Variants in ATP6V1H observed in about 807,000 individuals in gnomAD.
The protein encoded by ATP6V1H is V-type proton ATPase subunit H.
In ATP6V1H, 39 loss-of-function variants were observed where a neutral mutation model predicts 71.7. The observed-to-expected ratio is 0.54, with a 90% CI of 0.42 to 0.71. ATP6V1H has a LOEUF of 0.71. Among genes scored for constraint, ATP6V1H ranks in the 30% least tolerant of loss-of-function variants. The probability of loss-of-function intolerance (pLI) is 0.00; values close to 1 mark genes in which losing one functional copy is unlikely to be tolerated. For missense variants in ATP6V1H, 509 were observed against 594.9 expected, an observed-to-expected ratio of 0.86 and a Z score of 1.50; for synonymous variants, 192 against 199.3, an observed-to-expected ratio of 0.96 and a Z score of 0.31.
intron 9 of ATP6V1H, among the ~76,000 whole-genome samples, chr8:53,775,364 GC>G (rs1444985599): frequency 6.6e-6 from 1 of 152,224 alleles, no homozygotes; most frequent in Non-Finnish European, 1.5e-5. Flanking sequence ...GGGGACCGGA[GC>G]GGGTTGCCAA....
rs370228751 is a variant in ATP6V1H, at chr8:53,715,968, C to T, written c.1448G>A (p.Ser483Asn). 1.3e-5 allele frequency: 21 copies of T among 1,607,962 alleles called. No individual in the cohort carries two copies. In the African/African-American group the frequency reaches 2.7e-4, roughly 20 times the overall value. ...SEQPQTAAARS is the reference protein window; with the variant it reads ...SEQPQTAAARN ...AGGGGAAGGCCAGAGGCAGGCTTAG[C>T]TTCGGGCGGCAGCGGTCTGGGGCTG... Residue 483 changes from serine (S) to asparagine (N), a missense_variant, in exon 14 of 14, where the codon AGC (serine) becomes AAC (asparagine). Physicochemically the swap from Ser to Asn is conservative, Grantham distance 46. Transcript: ENST00000359530.
chr8:53,771,422 G>A (rs1324834971), intron 10 of ATP6V1H, among the ~76,000 whole-genome samples: 1 of 152,168 alleles, frequency 6.6e-6, no homozygotes, highest in Non-Finnish European at 1.5e-5. Context: ...CAATTTGTGG[G>A]TTGTAGGGGG....
At chr8:53,819,752 T>C (rs1585824354) in intron 4 of ATP6V1H, among the ~76,000 whole-genome samples, 2 of 144,386 alleles carry the variant, frequency 1.4e-5, no homozygotes, top group East Asian at 2.0e-4. Context: ...TGTGTGTATA[T>C]ATACACACAT....
chr8:53,813,902 T>C (rs1279633574), intron 6 of ATP6V1H, among the ~76,000 whole-genome samples: 2 of 152,184 alleles, frequency 1.3e-5, no homozygotes, highest in Non-Finnish European at 2.9e-5. Context: ...TGTGGGACAG[T>C]GTCCTTTCAC....
At chr8:53,733,832 G>A (rs1354928811) in intron 13 of ATP6V1H, among the ~76,000 whole-genome samples, 1 of 152,116 alleles carries the variant, frequency 6.6e-6, no homozygotes, top group Non-Finnish European at 1.5e-5. Flanking sequence ...AAAAACTCAT[G>A]TCAGCCCCAG....
intron 3 of ATP6V1H, chr8:53,831,749 T>G: frequency 7.1e-6 from 1 of 140,726 alleles, no homozygotes; most frequent in Non-Finnish European, 1.5e-5. Context: ...ATTACACTCT[T>G]TTTTTTTTTT....
intron 12 of ATP6V1H, among the ~76,000 whole-genome samples, chr8:53,754,988 G>A (rs1221678569): frequency 6.6e-6 from 1 of 152,168 alleles, no homozygotes; most frequent in Admixed American, 6.5e-5. Flanking sequence ...TTGCTTAGGG[G>A]GTGCAGGGGC....
chr8:53,715,953 C>A lies in ATP6V1H; in HGVS notation c.*11G>T. 6.2e-7 allele frequency: 1 copy of A among 1,607,418 alleles called. No individual in the cohort carries two copies. Among genetic ancestry groups the A allele is most frequent in the South Asian group, 1.1e-5 (1 of 88,980 alleles). On this transcript the variant is annotated 3_prime_UTR_variant, in exon 14 of 14. Transcript: ENST00000359530. Reference sequence around the variant, plus strand: ...TCTGCATTGAGGCGGAGGGGAAGGCCAGAGGCAGGCTTAGCTTCGGGCGGC... The same window carrying A: ...TCTGCATTGAGGCGGAGGGGAAGGCAAGAGGCAGGCTTAGCTTCGGGCGGC...
chr8:53,786,333 G>C (rs184550414), intron 9 of ATP6V1H, among the ~76,000 whole-genome samples: 1 of 152,212 alleles, frequency 6.6e-6, no homozygotes, highest in East Asian at 1.9e-4. Flanking sequence ...AGGATCCTCC[G>C]AGCCAGTTGC....
intron 6 of ATP6V1H, 30 bp downstream of exon 6, chr8:53,814,632 T>G (rs1810388216): frequency 6.5e-6 from 8 of 1,230,668 alleles, no homozygotes; most frequent in Non-Finnish European, 9.5e-6. Context: ...TATATTCCTT[T>G]CAAAGGTACT....
intron 4 of ATP6V1H, among the ~76,000 whole-genome samples, chr8:53,821,613 G>A (rs1810664386): frequency 6.6e-6 from 1 of 152,128 alleles, no homozygotes; most frequent in Non-Finnish European, 1.5e-5. Context: ...CTTGAACTTG[G>A]GAGGTGGAGG....
intron 9 of ATP6V1H, among the ~76,000 whole-genome samples, chr8:53,774,104 T>C (rs2130330736): frequency 6.6e-6 from 1 of 152,360 alleles, no homozygotes; most frequent in East Asian, 1.9e-4. Context: ...GGGCTGATAT[T>C]TTATTTGAAG....
chr8:53,821,037 G>C (rs1246748483), intron 4 of ATP6V1H, among the ~76,000 whole-genome samples: 1 of 136,918 alleles, frequency 7.3e-6, no homozygotes, highest in East Asian at 2.3e-4. Context: ...AGGAGAGAAA[G>C]AGAATAAAAC....
intron 7 of ATP6V1H, 69 bp from the exon 8 acceptor site, chr8:53,801,965 C>T (rs1809923708): frequency 7.2e-7 from 1 of 1,392,120 alleles, no homozygotes; most frequent in Non-Finnish European, 9.9e-7. Context: ...ACACACATTT[C>T]TAAATGAAAA....
chr8:53,753,949 T>C (rs1807899021), intron 12 of ATP6V1H, among the ~76,000 whole-genome samples: 1 of 152,172 alleles, frequency 6.6e-6, no homozygotes, highest in Non-Finnish European at 1.5e-5. Flanking sequence ...AAGGATAGTT[T>C]ATTGCTCACA....
intron 8 of ATP6V1H, among the ~76,000 whole-genome samples, chr8:53,797,815 A>T (rs554562725): frequency 6.6e-6 from 1 of 152,120 alleles, no homozygotes; most frequent in South Asian, 2.1e-4. Flanking sequence ...CCTGAGCAAC[A>T]TGGCAAAACC....
chr8:53,801,080 T>C (rs1381571028), intron 8 of ATP6V1H, among the ~76,000 whole-genome samples: 1 of 152,182 alleles, frequency 6.6e-6, no homozygotes, highest in Non-Finnish European at 1.5e-5. Context: ...TGCATACAAA[T>C]ACTGACTGAA....
In ATP6V1H at chr8:53,837,744, T is replaced by C. The variant is rs576269382; in HGVS notation, c.113+3834A>G. 2.7e-4 allele frequency among the ~76,000 whole-genome samples: 41 copies of C among 152,224 alleles called. 1 individual carries two copies. The South Asian group carries it at 6.4e-3, about 24-fold the overall frequency. ...CTCTCGCAGTTCTGTGAAGAATTGC[T>C]CCTACTGAGGCAGCAAGGATAGCAG... On this transcript the variant is annotated intron_variant, in intron 2 of 13. Transcript: ENST00000359530.
chr8:53,777,287 A>T lies in ATP6V1H; in HGVS notation c.871-5120T>A, dbSNP rs1585775236. 6.6e-5 allele frequency among the ~76,000 whole-genome samples: 10 copies of T among 152,216 alleles called. No individual in the cohort carries two copies. In the South Asian group the frequency reaches 2.1e-3, roughly 31 times the overall value. ...CAGACACATCAAAGTCAATCTTCAG[A>T]AAACCAAATATAGTAAAATTTTCAA... On this transcript the variant is annotated intron_variant, in intron 9 of 13. Coordinates refer to ENST00000359530, the MANE Select transcript of ATP6V1H (RefSeq NM_015941.4).
Sources: gnomAD v4.1 joint callset for allele counts (sites outside exome capture counted in the v4.1 genomes callset) on GRCh38, gnomAD v4.1.1 for gene constraint, MANE v1.5 for transcripts, NCBI Gene and HGNC (gene_info 2026-07-23, HGNC 2026-07-21) for gene names.